Variants in NYAP2 observed in about 807,000 individuals in gnomAD.
The protein encoded by NYAP2 is neuronal tyrosine-phosphorylated phosphoinositide-3-kinase adapter 2.
A neutral mutation model predicts 50.4 loss-of-function variants in NYAP2; 23 were observed. The ratio of observed to expected loss-of-function variants is 0.46; its 90% CI spans 0.33 to 0.65. The LOEUF is 0.65. NYAP2 is among the 30% of genes least tolerant of loss of function. The pLI is 0.02. For missense variants in NYAP2, 885 were observed against 861.0 expected (o/e 1.03, Z -0.35); for synonymous variants, 394 against 365.2 (o/e 1.08, Z -0.90).
At chr2:225,473,861 G>T (rs1159907337) in intron 3 of NYAP2, among the ~76,000 whole-genome samples, 1 of 152,186 alleles carries the variant, frequency 6.6e-6, no homozygotes, top group South Asian at 2.1e-4. Flanking sequence ...TGCTTTTGGT[G>T]CTTTAGACAT....
intron 3 of NYAP2, among the ~76,000 whole-genome samples, chr2:225,510,033 T>A (rs1293451454): frequency 6.6e-6 from 1 of 152,164 alleles, no homozygotes; most frequent in Non-Finnish European, 1.5e-5. Flanking sequence ...GAGAGACATA[T>A]AAGTTAGTTG....
chr2:225,586,118 C>T (rs903226856), intron 5 of NYAP2, among the ~76,000 whole-genome samples: 5 of 152,120 alleles, frequency 3.3e-5, no homozygotes, highest in Non-Finnish European at 5.9e-5. Flanking sequence ...TATTTAATCT[C>T]AACAAATATA....
the NYAP2 span, among the ~76,000 whole-genome samples, chr2:225,693,947 A>T: frequency 6.6e-6 from 1 of 152,064 alleles, no homozygotes; most frequent in African/African-American, 2.4e-5. Flanking sequence ...CCTCCTAGAC[A>T]GGAAGCTTCA....
At chr2:225,455,658 T>C (rs1162908029) in intron 3 of NYAP2, among the ~76,000 whole-genome samples, 1 of 152,234 alleles carries the variant, frequency 6.6e-6, no homozygotes, top group Non-Finnish European at 1.5e-5. Flanking sequence ...GTTATTTTTA[T>C]ACTTTCAAAT....
chr2:225,507,531 A>G (rs1200673601), intron 3 of NYAP2, among the ~76,000 whole-genome samples: 1 of 152,206 alleles, frequency 6.6e-6, no homozygotes, highest in Non-Finnish European at 1.5e-5. Flanking sequence ...AATTGATGCA[A>G]GTATTTAAGA....
intron 3 of NYAP2, among the ~76,000 whole-genome samples, chr2:225,506,791 C>T (rs562112472): frequency 2.6e-5 from 4 of 152,290 alleles, no homozygotes; most frequent in Admixed American, 6.5e-5. Context: ...GGCCCACCTG[C>T]CCACAGGCAA....
chr2:225,675,897 G>A, the NYAP2 span, among the ~76,000 whole-genome samples: 52 of 152,186 alleles, frequency 3.4e-4, no homozygotes, highest in Admixed American at 3.0e-3. Flanking sequence ...GATGATTAGC[G>A]ATCTTAAACA....
At chr2:225,427,175 A>G (rs1001505115) in intron 3 of NYAP2, among the ~76,000 whole-genome samples, 1 of 152,150 alleles carries the variant, frequency 6.6e-6, no homozygotes, top group East Asian at 1.9e-4. Flanking sequence ...CAACTCCAAA[A>G]TAGATGGAGA....
At chr2:225,655,952 A>ACACC (rs1559242752), downstream of NYAP2, among the ~76,000 whole-genome samples, 2 of 151,076 alleles carry the variant, frequency 1.3e-5, no homozygotes, top group African/African-American at 4.9e-5. Context: ...ACACACACAC[A>ACACC]CCAACACAAT....
intron 3 of NYAP2, among the ~76,000 whole-genome samples, chr2:225,489,634 T>A (rs1227823137): frequency 6.6e-6 from 1 of 152,200 alleles, no homozygotes; most frequent in Non-Finnish European, 1.5e-5. Context: ...GCTTTTGCCA[T>A]ATTCTGAAAT....
chr2:225,500,630 GA>G (rs1690588458), intron 3 of NYAP2, among the ~76,000 whole-genome samples: 1 of 152,170 alleles, frequency 6.6e-6, no homozygotes, highest in Non-Finnish European at 1.5e-5. Flanking sequence ...TAAATCTTAA[GA>G]CACTATTATC....
intron 5 of NYAP2, among the ~76,000 whole-genome samples, chr2:225,599,046 C>T (rs1574701766): frequency 6.6e-6 from 1 of 152,158 alleles, no homozygotes; most frequent in African/African-American, 2.4e-5. Context: ...CTTCCTTCCC[C>T]CACACCTCCT....
intron 2 of NYAP2, among the ~76,000 whole-genome samples, chr2:225,408,329 G>T (rs994581492): frequency 6.6e-6 from 1 of 151,952 alleles, no homozygotes; most frequent in Non-Finnish European, 1.5e-5. Flanking sequence ...AGTTATATTA[G>T]AAATGTGTTT....
At chr2:225,416,122 T>C (rs891524381) in intron 3 of NYAP2, among the ~76,000 whole-genome samples, 4 of 152,204 alleles carry the variant, frequency 2.6e-5, no homozygotes, top group Non-Finnish European at 5.9e-5. Flanking sequence ...GTGTTTGTGA[T>C]TAATTCGAAT....
chr2:225,459,581 A>T (rs73082868), intron 3 of NYAP2, among the ~76,000 whole-genome samples: 1,927 of 152,238 alleles, frequency 0.013, 49 homozygotes, highest in African/African-American at 0.044. Flanking sequence ...GAACAACAGA[A>T]GCTTTGATTA....
At chr2:225,406,748 T>C (rs980575677) in intron 2 of NYAP2, among the ~76,000 whole-genome samples, 7 of 152,032 alleles carry the variant, frequency 4.6e-5, no homozygotes, top group African/African-American at 1.7e-4. Flanking sequence ...GTGTAAATAC[T>C]TTATAATATT....
the NYAP2 span, among the ~76,000 whole-genome samples, chr2:225,663,677 C>A: frequency 6.6e-6 from 1 of 152,178 alleles, no homozygotes; most frequent in Non-Finnish European, 1.5e-5. Context: ...CCTGCCTTAG[C>A]CTCCCAAGTA....
chr2:225,511,302 G>T (rs957147087), intron 3 of NYAP2, among the ~76,000 whole-genome samples: 2 of 144,808 alleles, frequency 1.4e-5, no homozygotes, highest in African/African-American at 5.1e-5. Context: ...AGCTTCTAAT[G>T]TATGTCTTAA....
intron 6 of NYAP2, among the ~76,000 whole-genome samples, chr2:225,639,007 C>T (rs922750251): frequency 2.6e-5 from 4 of 151,810 alleles, no homozygotes; most frequent in African/African-American, 7.3e-5. Flanking sequence ...TAAGTTATTA[C>T]TTCAGTAAGA....
Sources: allele counts gnomAD v4.1 joint callset (sites outside exome capture counted in the v4.1 genomes callset), GRCh38; gene constraint gnomAD v4.1.1; transcripts MANE v1.5; gene names NCBI Gene and HGNC (gene_info 2026-07-23, HGNC 2026-07-21).